The following PTPRD variants were observed in gnomAD, a reference collection of about 807,000 sequenced individuals.
The protein encoded by PTPRD is receptor-type tyrosine-protein phosphatase delta.
In PTPRD, 34 loss-of-function variants were observed where a neutral mutation model predicts 214.5. The observed-to-expected ratio is 0.16, with a 90% CI of 0.12 to 0.21. The LOEUF (loss-of-function observed/expected upper bound fraction) is 0.21. Ranked by LOEUF, PTPRD falls within the 10% of genes least tolerant of loss-of-function variation. PTPRD has a pLI of 1.00. For missense variants in PTPRD, 2,545 were observed against 2,398.7 expected, an observed-to-expected ratio of 1.06 and a Z score of -1.27; for synonymous variants, 1,128 against 845.7, an observed-to-expected ratio of 1.33 and a Z score of -5.79.
At chr9:9,288,861 G>T (rs960483005) in intron 9 of PTPRD, among the ~76,000 whole-genome samples, 1 of 151,724 alleles carries the variant, frequency 6.6e-6, no homozygotes, top group Non-Finnish European at 1.5e-5. Context: ...AGATCTGATG[G>T]TTTTATAAGG....
chr9:8,733,728 C>G (rs771058854), intron 12 of PTPRD, 52 bp downstream of exon 12: 2 of 1,544,542 alleles, frequency 1.3e-6, no homozygotes, highest in Non-Finnish European at 8.8e-7. Context: ...CAACTGCAAA[C>G]AAAACCACTC....
chr9:9,985,496 A>C (rs2095678595), intron 4 of PTPRD, among the ~76,000 whole-genome samples: 1 of 152,124 alleles, frequency 6.6e-6, no homozygotes, highest in African/African-American at 2.4e-5. Context: ...TCTTTTACAG[A>C]AAGTAGTCAA....
intron 7 of PTPRD, among the ~76,000 whole-genome samples, chr9:9,718,992 C>T (rs1414799323): frequency 1.3e-5 from 2 of 152,146 alleles, no homozygotes; most frequent in African/African-American, 4.8e-5. Flanking sequence ...TGACCTGAAG[C>T]CTGGGGGCCA....
chr9:10,314,659 G>T (rs1188963456), intron 3 of PTPRD, among the ~76,000 whole-genome samples: 1 of 151,950 alleles, frequency 6.6e-6, no homozygotes, highest in East Asian at 1.9e-4. Context: ...AGATTAGATA[G>T]AGATAATAGA....
intron 31 of PTPRD, among the ~76,000 whole-genome samples, chr9:8,469,974 G>A (rs1172480173): frequency 5.3e-5 from 8 of 152,102 alleles, no homozygotes; most frequent in Admixed American, 5.2e-4. Flanking sequence ...TGTAATGTAG[G>A]TAGGGAATTT....
intron 4 of PTPRD, among the ~76,000 whole-genome samples, chr9:9,978,010 A>G (rs905453666): frequency 1.3e-5 from 2 of 152,142 alleles, no homozygotes; most frequent in African/African-American, 4.8e-5. Context: ...CAAACAATGA[A>G]AAAAAGTCAA....
intron 3 of PTPRD, among the ~76,000 whole-genome samples, chr9:10,185,492 T>C (rs1432302148): frequency 6.6e-6 from 1 of 152,192 alleles, no homozygotes; most frequent in Non-Finnish European, 1.5e-5. Context: ...GCACTTCACA[T>C]ATATTAATTA....
intron 33 of PTPRD, among the ~76,000 whole-genome samples, chr9:8,458,028 T>C (rs1194435968): frequency 6.6e-6 from 1 of 152,178 alleles, no homozygotes; most frequent in Non-Finnish European, 1.5e-5. Flanking sequence ...TGTTCTTTAC[T>C]GCTGAAGCAA....
chr9:10,071,484 C>A (rs1402548710), intron 3 of PTPRD, among the ~76,000 whole-genome samples: 2 of 151,954 alleles, frequency 1.3e-5, no homozygotes, highest in African/African-American at 2.4e-5. Context: ...ATATAGTCAA[C>A]CCATCTTTGA....
chr9:8,607,833 A>G (rs2095292423), intron 14 of PTPRD, among the ~76,000 whole-genome samples: 1 of 152,208 alleles, frequency 6.6e-6, no homozygotes, highest in Non-Finnish European at 1.5e-5. Context: ...TTGCAAATCT[A>G]GGATATATAA....
intron 5 of PTPRD, among the ~76,000 whole-genome samples, chr9:9,773,197 A>C (rs1233077719): frequency 6.6e-6 from 1 of 152,018 alleles, no homozygotes. Flanking sequence ...TTTAATGTAA[A>C]CCTCCTTTCC....
intron 8 of PTPRD, among the ~76,000 whole-genome samples, chr9:9,532,737 T>G (rs1278256752): frequency 6.6e-6 from 1 of 152,128 alleles, no homozygotes; most frequent in Non-Finnish European, 1.5e-5. Context: ...CAGGAAGGCT[T>G]CCATTTCAAT....
chr9:9,473,785 G>A (rs2094805618), intron 8 of PTPRD, among the ~76,000 whole-genome samples: 1 of 149,258 alleles, frequency 6.7e-6, no homozygotes, highest in African/African-American at 2.5e-5. Context: ...TTTGAAAAAT[G>A]GATATTCAGA....
chr9:8,837,147 T>C (rs1392723683), intron 11 of PTPRD, among the ~76,000 whole-genome samples: 2 of 150,986 alleles, frequency 1.3e-5, no homozygotes, highest in Non-Finnish European at 2.9e-5. Flanking sequence ...TGCCTTAGCC[T>C]CCCTAGTAGC....
Position 8,537,984 on chromosome 9 carries a change from C to T in PTPRD, c.353-9205G>A, listed in dbSNP as rs575831144. 7.2e-5 allele frequency among the ~76,000 whole-genome samples: 11 copies of T among 151,918 alleles called. No individual in the cohort carries two copies. In the East Asian group the frequency reaches 1.9e-3, roughly 27 times the overall value. On this transcript the variant is annotated intron_variant, in intron 14 of 45. Transcript: ENST00000381196. Reference sequence around the variant, plus strand: ...TTTTTGTGATTCATAATCAAATAAACGCATTGAGAAAAAAAAGAAGTACCT... The same window carrying T: ...TTTTTGTGATTCATAATCAAATAAATGCATTGAGAAAAAAAAGAAGTACCT...
At chr9:9,336,869 T>C (rs973736219) in intron 9 of PTPRD, among the ~76,000 whole-genome samples, 1 of 152,162 alleles carries the variant, frequency 6.6e-6, no homozygotes, top group Non-Finnish European at 1.5e-5. Context: ...CATTTTTCAG[T>C]GATGGCTCCC....
rs927109710 is a variant in PTPRD at position 10,157,738 on chromosome 9, G to A, written c.-544-123948C>T. Among the ~76,000 whole-genome samples, 4 of 152,204 alleles carry A rather than the reference G, an allele frequency of 2.6e-5. No individual in the cohort carries two copies. The South Asian group carries it at 8.3e-4, about 32-fold the overall frequency. On this transcript the variant is annotated intron_variant, in intron 3 of 45. Transcript: ENST00000381196. ...TATCCGAAAATATGTTTTCAAGTTG[G>A]TTCCATTCCATTATCCTCATCTCTT...
At chr9:8,911,336 A>G (rs2098745669) in intron 11 of PTPRD, among the ~76,000 whole-genome samples, 1 of 151,980 alleles carries the variant, frequency 6.6e-6, no homozygotes, top group African/African-American at 2.4e-5. Flanking sequence ...AAGGCAATTC[A>G]GTTGGGAAAA....
At chr9:10,605,557 C>T (rs1010219378) in intron 2 of PTPRD, among the ~76,000 whole-genome samples, 8 of 151,656 alleles carry the variant, frequency 5.3e-5, no homozygotes, top group Admixed American at 4.6e-4. Flanking sequence ...CTGCAACTGC[C>T]TAATAAGCAA....
Sources: gnomAD v4.1 joint callset for allele counts (sites outside exome capture counted in the v4.1 genomes callset) on GRCh38, gnomAD v4.1.1 for gene constraint, MANE v1.5 for transcripts, NCBI Gene and HGNC (gene_info 2026-07-23, HGNC 2026-07-21) for gene names.